The following PLOD3 variants were observed in gnomAD, a reference collection of about 807,000 sequenced individuals.
PLOD3 encodes procollagen-lysine,2-oxoglutarate 5-dioxygenase 3.
Under a neutral mutation model 96.9 loss-of-function variants are expected in PLOD3, and 73 were observed. The observed-to-expected ratio is 0.75, with a 90% confidence interval of 0.62 to 0.92. PLOD3 has a LOEUF of 0.92. Ranked by LOEUF, PLOD3 falls within the 40% of genes least tolerant of loss-of-function variation. The probability of loss-of-function intolerance (pLI) is 0.00; values close to 1 mark genes in which losing one functional copy is unlikely to be tolerated. For missense variants in PLOD3, 1,004 were observed against 1,004.3 expected (o/e 1.00, Z 0.00); for synonymous variants, 454 against 413.7 (o/e 1.10, Z -1.18).
chr7:101,209,219 T>C (rs911334797), intron 15 of PLOD3, among the ~76,000 whole-genome samples: 1 of 151,876 alleles, frequency 6.6e-6, no homozygotes, highest in Non-Finnish European at 1.5e-5. Context: ...TCTTTTTTTT[T>C]TTTTTGAGAT....
chr7:101,207,118 G>A (rs1278208249), intron 17 of PLOD3, among the ~76,000 whole-genome samples: 1 of 152,038 alleles, frequency 6.6e-6, no homozygotes, highest in Admixed American at 6.6e-5. Context: ...TGGGATTATA[G>A]GCACCTGCCA....
chr7:101,216,617 C>A (rs888158737), intron 2 of PLOD3, 71 bp from the exon 3 acceptor site: 2 of 1,609,916 alleles, frequency 1.2e-6, no homozygotes, highest in African/African-American at 1.3e-5. Flanking sequence ...CCAGGCTTAC[C>A]GTGGGGACCT....
Position 101,216,189 on chromosome 7 carries a change from G to A in PLOD3, c.476C>T (p.Thr159Met), listed in dbSNP as rs763102265. The A allele has an allele frequency of 1.8e-5, 29 of 1,613,786 alleles. No homozygotes were observed. In the South Asian group the frequency reaches 2.6e-4, roughly 15 times the overall value. ...GLAEQYPEVG[T>M]GKRFLNSGGF... ...ACCAGAATTGAGGAAGCGCTTCCCC[G>A]TGCCCACCTCAGGGTACTGCTCCGC... Residue 159 changes from threonine (T) to methionine (M), a missense_variant, in exon 4 of 19, where the codon ACG (threonine) becomes ATG (methionine). Thr to Met is a moderately conservative substitution (Grantham distance 81). Around this residue, in one of 5 missense-constraint regions of PLOD3, gnomAD observed 690 missense variants for 650.2 expected, o/e 1.06. Coordinates refer to ENST00000223127, the MANE Select transcript of PLOD3 (RefSeq NM_001084.5).
intron 12 of PLOD3, chr7:101,211,130 C>T (rs1798174771): frequency 4.6e-6 from 1 of 216,222 alleles, no homozygotes; most frequent in Admixed American, 5.3e-5. Context: ...ATCCACCTGC[C>T]TCTGCCTTCC....
chr7:101,206,013 C>G lies in PLOD3; in HGVS notation c.*268G>C. ...AAACTGTCCTTTATTCAGAGTGAGA[C>G]TGCGGAACATTAATAATTTATCACG... On this transcript the variant is annotated 3_prime_UTR_variant, in exon 19 of 19. Coordinates refer to ENST00000223127, the MANE Select transcript of PLOD3 (RefSeq NM_001084.5). 1.8e-6 allele frequency: 1 copy of G among 561,880 alleles called. No individual in the cohort carries two copies. Among genetic ancestry groups the G allele is most frequent in the East Asian group, 3.1e-5 (1 of 32,350 alleles). 34.8% of individuals were successfully genotyped at this position (561,880 alleles called of 1,614,324 possible). A position where few individuals can be genotyped will look rare whatever the true frequency, so the allele number is the denominator to read the frequency against.
chr7:101,214,283 C>T (rs759750540), intron 6 of PLOD3, among the ~76,000 whole-genome samples: 7 of 151,934 alleles, frequency 4.6e-5, no homozygotes, highest in South Asian at 2.1e-4. Flanking sequence ...CCCGCCACCA[C>T]GCCCAGCTCA....
At chr7:101,213,855 T>C (rs952546325) in intron 6 of PLOD3, among the ~76,000 whole-genome samples, 5 of 151,766 alleles carry the variant, frequency 3.3e-5, no homozygotes, top group Non-Finnish European at 7.4e-5. Flanking sequence ...CGCACCACCA[T>C]GCCCGGCTAA....
chr7:101,206,952 G>T, intron 17 of PLOD3, 48 bp from the exon 18 acceptor site: 1 of 1,544,452 alleles, frequency 6.5e-7, no homozygotes, highest in Non-Finnish European at 8.7e-7. Context: ...CGGGCGCAGG[G>T]GGTCTTTTAT....
intron 17 of PLOD3, among the ~76,000 whole-genome samples, chr7:101,207,234 G>A (rs1175223476): frequency 6.6e-6 from 1 of 151,924 alleles, no homozygotes; most frequent in Non-Finnish European, 1.5e-5. Context: ...CCTCAGCCTC[G>A]CAAAGTGCTG....
rs1798197853 is a variant in PLOD3, at chr7:101,212,403, C to T, written c.1006-29G>A. ...GGAGGGGAAGACATAGGGGGATGGG[C>T]TCAGAGGGCAGGGAGGCGGCACCTG... is the stretch of plus-strand genomic sequence containing the variant. On this transcript the variant is annotated intron_variant, in intron 9 of 18. Coordinates refer to ENST00000223127, the MANE Select transcript of PLOD3 (RefSeq NM_001084.5). 4 of 1,610,200 alleles carry T rather than the reference C, an allele frequency of 2.5e-6. No homozygotes were observed. In the South Asian group the frequency reaches 3.3e-5, roughly 13 times the overall value.
intron 17 of PLOD3, 132 bp downstream of exon 17, chr7:101,207,446 G>A (rs931777936): frequency 1.7e-5 from 16 of 960,364 alleles, no homozygotes; most frequent in Middle Eastern, 2.5e-4. Flanking sequence ...CTCCTGCAGC[G>A]TCTCATTCCC....
At position 101,212,562 on chromosome 7, in the gene PLOD3, G is replaced by A. The variant is rs1287440412; in HGVS notation, c.973C>T (p.Pro325Ser). 2.5e-6 allele frequency: 4 copies of A among 1,613,912 alleles called. No individual in the cohort carries two copies. Among genetic ancestry groups the A allele is most frequent in the South Asian group, 1.1e-5 (1 of 91,076 alleles). Residue 325 changes from proline to serine, a missense_variant, in exon 9 of 19, where the codon CCC becomes TCC. By Grantham distance (74) the Pro-to-Ser change is moderately conservative (BLOSUM62 -1). Around this residue, in one of 5 missense-constraint regions of PLOD3, gnomAD observed 690 missense variants for 650.2 expected, o/e 1.06. Coordinates refer to ENST00000223127, the MANE Select transcript of PLOD3 (RefSeq NM_001084.5). ...LQRLLLLDYP[P>S]DRVTLFLHNN... ...TGCAGGAAAAGGGTGACCCTGTCGG[G>A]GGGATAGTCCAGGAGTAGCAGCCGC...
In PLOD3 at chr7:101,216,200, A is replaced by C. The variant is rs774761282; in HGVS notation, c.465T>G (p.Pro155=). Residue 155 remains proline, a synonymous_variant, in exon 4 of 19, where the codon CCT becomes CCG. Transcript: ENST00000223127. ...WPEWGLAEQY[P]EVGTGKRFLN... is the part of the protein sequence containing the mutation. ...GGAAGCGCTTCCCCGTGCCCACCTC[A>C]GGGTACTGCTCCGCCAGCCCCCACT... 3.7e-6 allele frequency: 6 copies of C among 1,613,898 alleles called. No homozygotes were observed. In the South Asian group the frequency reaches 6.6e-5, roughly 18 times the overall value.
In PLOD3 at chr7:101,212,520, G is replaced by C. The variant is rs774504501; in HGVS notation, c.1005+10C>G. ...GTCCCTCAGGAGAGGCTCCAACAGG[G>C]GAGTCTCACGTTGTTGTGCAGGAAA... On this transcript the variant is annotated intron_variant, in intron 9 of 18. Coordinates refer to ENST00000223127, the MANE Select transcript of PLOD3 (RefSeq NM_001084.5). The C allele has an allele frequency of 6.2e-7, 1 of 1,613,364 alleles. No individual in the cohort carries two copies. Among genetic ancestry groups the C allele is most frequent in the Non-Finnish European group, 8.5e-7 (1 of 1,179,770 alleles).
Position 101,206,250 on chromosome 7 carries a change from G to T in PLOD3, c.*31C>A, listed in dbSNP as rs1798081244. ...GCCAGGCCCCCTAAAAAGGCACAAT[G>T]GCAGGGCAGGTTTGGCAGAGTGGTT... On this transcript the variant is annotated 3_prime_UTR_variant, in exon 19 of 19. Transcript: ENST00000223127. 4 of 1,612,690 alleles carry T rather than the reference G, an allele frequency of 2.5e-6. No homozygotes were observed. The highest frequency in any genetic ancestry group is 3.4e-6 in the Non-Finnish European group (4 of 1,179,030).
rs1260285261 is a variant in PLOD3, at chr7:101,210,680, G to T, written c.1359-7C>A. The T allele has an allele frequency of 6.2e-7, 1 of 1,613,316 alleles. No individual in the cohort carries two copies. The highest frequency in any genetic ancestry group is 1.7e-5 in the Admixed American group (1 of 59,988). ...TGGTACATTCCACACACCCCTGGAG[G>T]CACCGACACCGCGGTCAGCTGGGAG... On this transcript the variant is annotated splice_polypyrimidine_tract_variant and splice_region_variant and intron_variant, in intron 12 of 18. Coordinates refer to ENST00000223127, the MANE Select transcript of PLOD3 (RefSeq NM_001084.5).
chr7:101,217,242 C>G lies in PLOD3; in HGVS notation c.33G>C (p.Leu11=). The change falls in exon 1 of 19, where the codon CTG becomes CTC. Residue 11 remains leucine, a synonymous_variant. Transcript: ENST00000223127. Reference sequence around the variant, plus strand: ...GGGGCAGCAGCAGCGGCAGCAGCAGCAGGAACCGGGGTCCAGGCCCCGAGG... The same window carrying G: ...GGGGCAGCAGCAGCGGCAGCAGCAGGAGGAACCGGGGTCCAGGCCCCGAGG... MTSSGPGPRF[L]LLLPLLLPPA... 6.7e-7 allele frequency: 1 copy of G among 1,497,288 alleles called. No individual in the cohort carries two copies. The highest frequency in any genetic ancestry group is 8.9e-7 in the Non-Finnish European group (1 of 1,125,110). The allele number at this position is 1,497,288 out of a possible 1,614,324, so 92.8% of individuals were successfully genotyped here.
intron 16 of PLOD3, 36 bp downstream of exon 16, chr7:101,208,817 T>G: frequency 2.3e-6 from 3 of 1,331,376 alleles, no homozygotes; most frequent in Non-Finnish European, 3.3e-6. Flanking sequence ...CCTCCTCCTC[T>G]GGGAAGGCCT....
chr7:101,217,246 A>T lies in PLOD3; in HGVS notation c.29T>A (p.Phe10Tyr). The T allele has an allele frequency of 6.7e-7, 1 of 1,496,152 alleles. No individual in the cohort carries two copies. Among genetic ancestry groups the T allele is most frequent in the Non-Finnish European group, 8.9e-7 (1 of 1,124,736 alleles). The allele number at this position is 1,496,152 out of a possible 1,614,324, so 92.7% of individuals were successfully genotyped here. A position where few individuals can be genotyped will look rare whatever the true frequency, so the allele number is the denominator to read the frequency against. The change falls in exon 1 of 19, where the codon TTC (phenylalanine) becomes TAC (tyrosine). Residue 10 changes from phenylalanine to tyrosine, a missense_variant. By Grantham distance (22) the Phe-to-Tyr change is conservative. Coordinates refer to ENST00000223127, the MANE Select transcript of PLOD3 (RefSeq NM_001084.5). MTSSGPGPRFLLLLPLLLPP... is the reference protein window; with the variant it reads MTSSGPGPRYLLLLPLLLPP... Reference sequence around the variant, plus strand: ...CAGCAGCAGCGGCAGCAGCAGCAGGAACCGGGGTCCAGGCCCCGAGGAGGT... The same window carrying T: ...CAGCAGCAGCGGCAGCAGCAGCAGGTACCGGGGTCCAGGCCCCGAGGAGGT...
Sources: allele counts gnomAD v4.1 joint callset (sites outside exome capture counted in the v4.1 genomes callset), GRCh38; gene constraint gnomAD v4.1.1; regional missense constraint gnomAD v4.1.1; transcripts MANE v1.5; gene names NCBI Gene and HGNC (gene_info 2026-07-23, HGNC 2026-07-21).